Variants in TESK2 observed in about 807,000 individuals in gnomAD.
TESK2 encodes dual specificity testis-specific protein kinase 2.
In TESK2, 39 loss-of-function variants were observed where a neutral mutation model predicts 57.1. That is an observed-to-expected ratio of 0.68 (90% confidence interval 0.53 to 0.89). The LOEUF is 0.89. TESK2 is among the 40% of genes least tolerant of loss of function. The pLI is 0.00. For synonymous variants in TESK2, 249 were observed against 267.9 expected, an observed-to-expected ratio of 0.93 and a Z score of 0.69; for missense variants, 646 against 732.1, an observed-to-expected ratio of 0.88 and a Z score of 1.36.
At chr1:45,346,023 C>G (rs765397500) in intron 9 of TESK2, 29 bp from the exon 10 acceptor site, 1 of 1,536,558 alleles carries the variant, frequency 6.5e-7, no homozygotes, top group Non-Finnish European at 9.0e-7. Flanking sequence ...GCCATGAGCT[C>G]TGCCCTCCAT....
intron 4 of TESK2, chr1:45,385,364 C>T: frequency 1.0e-6 from 1 of 984,900 alleles, no homozygotes; most frequent in Non-Finnish European, 1.2e-6. Flanking sequence ...TTCCGCCTAG[C>T]AGAGGCTGGA....
At chr1:45,443,200 G>C (rs1230907538) in intron 2 of TESK2, among the ~76,000 whole-genome samples, 1 of 152,008 alleles carries the variant, frequency 6.6e-6, no homozygotes, top group Non-Finnish European at 1.5e-5. Flanking sequence ...CACTGTGCCC[G>C]GCCAACTAAG....
In TESK2 at chr1:45,347,075, CG is replaced by C. The variant is rs779930745; in HGVS notation, c.709-14del. On this transcript the variant is annotated splice_polypyrimidine_tract_variant and intron_variant, in intron 7 of 10. Coordinates refer to ENST00000372086, the MANE Select transcript of TESK2 (RefSeq NM_007170.3). ...AGAACACATCTGCCTGGTGGGTAGT[CG>C]GACTTTGGTTTCCCTCTTAATGGGT... 1 of 1,613,758 alleles carries C rather than the reference CG, an allele frequency of 6.2e-7. No homozygotes were observed. The highest frequency in any genetic ancestry group is 1.1e-5 in the South Asian group (1 of 91,026).
intron 1 of TESK2, among the ~76,000 whole-genome samples, chr1:45,466,303 TGTA>T (rs1652549350): frequency 6.6e-6 from 1 of 151,988 alleles, no homozygotes. Flanking sequence ...GGTGAAACCC[TGTA>T]TCTACTAAAA....
At chr1:45,350,232 AAAGGG>A (rs759855495) in intron 5 of TESK2, among the ~76,000 whole-genome samples, 173 of 152,352 alleles carry the variant, frequency 1.1e-3, no homozygotes, top group Non-Finnish European at 1.5e-3. Flanking sequence ...AAGAGACTCA[AAAGGG>A]TGGCCATGGA....
chr1:45,401,411 TAATA>T (rs1264097969), intron 3 of TESK2, among the ~76,000 whole-genome samples: 2 of 151,080 alleles, frequency 1.3e-5, no homozygotes, highest in African/African-American at 4.9e-5. Flanking sequence ...GAAATAATAA[TAATA>T]AATAAATAAA....
intron 5 of TESK2, 46 bp downstream of exon 5, chr1:45,355,257 G>A (rs980671540): frequency 2.5e-6 from 4 of 1,598,998 alleles, no homozygotes; most frequent in Admixed American, 3.5e-5. Context: ...TGGCAAAAGA[G>A]AAGGGTGGTA....
chr1:45,475,487 G>A (rs1003011068), intron 1 of TESK2, among the ~76,000 whole-genome samples: 9 of 152,100 alleles, frequency 5.9e-5, no homozygotes, highest in Non-Finnish European at 1.2e-4. Context: ...GATTACAGGC[G>A]TGAGCCCCCA....
intron 3 of TESK2, among the ~76,000 whole-genome samples, chr1:45,411,999 CAG>C (rs1397477284): frequency 6.6e-6 from 1 of 152,102 alleles, no homozygotes; most frequent in Non-Finnish European, 1.5e-5. Context: ...TCTCATTAAA[CAG>C]AAGAAATCAA....
chr1:45,363,842 TA>T (rs1247882407), intron 4 of TESK2, among the ~76,000 whole-genome samples: 4 of 152,076 alleles, frequency 2.6e-5, no homozygotes, highest in African/African-American at 9.7e-5. Context: ...TCTCAGACTA[TA>T]ATAGTTGTAG....
intron 1 of TESK2, among the ~76,000 whole-genome samples, chr1:45,466,286 C>T (rs1652548254): frequency 6.6e-6 from 1 of 152,044 alleles, no homozygotes; most frequent in South Asian, 2.1e-4. Context: ...ACCATCCTGG[C>T]CAACATGGTG....
intron 4 of TESK2, among the ~76,000 whole-genome samples, chr1:45,373,028 CAAAAAAAAAAA>C (rs200182758): frequency 1.6e-5 from 1 of 61,040 alleles, no homozygotes; most frequent in Non-Finnish European, 3.7e-5. Flanking sequence ...ATCTCCGTCT[CAAAAAAAAAAA>C]AAAAAAAAGA....
At chr1:45,437,881 A>G (rs968434024) in intron 2 of TESK2, among the ~76,000 whole-genome samples, 11 of 152,232 alleles carry the variant, frequency 7.2e-5, no homozygotes, top group African/African-American at 2.7e-4. Context: ...CTTCTTGGTT[A>G]CAGACACACA....
chr1:45,435,606 C>A (rs2149291863), intron 2 of TESK2, among the ~76,000 whole-genome samples: 1 of 99,524 alleles, frequency 1.0e-5, no homozygotes, highest in Admixed American at 1.1e-4. Context: ...CAAGGTCTCA[C>A]TATGTTGCTC....
chr1:45,374,115 C>G (rs1012618357), intron 4 of TESK2, among the ~76,000 whole-genome samples: 19 of 152,218 alleles, frequency 1.2e-4, no homozygotes, highest in Non-Finnish European at 1.0e-4. Flanking sequence ...CTGCTGTCCT[C>G]ATACTACCAA....
At chr1:45,477,535 T>A (rs1653045313) in intron 1 of TESK2, among the ~76,000 whole-genome samples, 1 of 151,458 alleles carries the variant, frequency 6.6e-6, no homozygotes, top group African/African-American at 2.4e-5. Context: ...GACGGGAGAA[T>A]CACTTGAACC....
chr1:45,348,425 T>C (rs1468208991), intron 5 of TESK2, among the ~76,000 whole-genome samples: 1 of 152,196 alleles, frequency 6.6e-6, no homozygotes, highest in Non-Finnish European at 1.5e-5. Flanking sequence ...CCTTGCCAAC[T>C]TGATATAAGC....
chr1:45,441,343 T>C (rs901087167), intron 2 of TESK2, among the ~76,000 whole-genome samples: 13 of 152,036 alleles, frequency 8.6e-5, no homozygotes, highest in Admixed American at 2.0e-4. Context: ...GCTAATTTTG[T>C]ATTTTTAATA....
chr1:45,353,791 A>G (rs961182602), intron 5 of TESK2, among the ~76,000 whole-genome samples: 2 of 152,188 alleles, frequency 1.3e-5, no homozygotes, highest in Admixed American at 1.3e-4. Flanking sequence ...TCATGATGGT[A>G]TCTTAGGCCA....
Sources: gnomAD v4.1 joint callset for allele counts (sites outside exome capture counted in the v4.1 genomes callset) on GRCh38, gnomAD v4.1.1 for gene constraint, MANE v1.5 for transcripts, NCBI Gene and HGNC (gene_info 2026-07-23, HGNC 2026-07-21) for gene names.